The following ANO6 variants were observed in gnomAD, a reference collection of about 807,000 sequenced individuals.
The protein encoded by ANO6 is anoctamin-6.
A neutral mutation model predicts 117.5 loss-of-function variants in ANO6; 106 were observed. The ratio of observed to expected loss-of-function variants is 0.90; its 90% CI spans 0.77 to 1.06. ANO6 has a LOEUF of 1.06. Ranked by LOEUF, ANO6 falls within the 50% of genes least tolerant of loss-of-function variation. The pLI, the probability that ANO6 is intolerant of heterozygous loss-of-function variation, is 0.00. For synonymous variants in ANO6, 367 were observed against 385.1 expected (o/e 0.95, Z 0.55); for missense variants, 955 against 1,121.1 (o/e 0.85, Z 2.12).
chr12:45,264,591 G>T (rs1310124494), intron 1 of ANO6, among the ~76,000 whole-genome samples: 1 of 152,178 alleles, frequency 6.6e-6, no homozygotes, highest in Non-Finnish European at 1.5e-5. Context: ...GATTAATATT[G>T]AGAGTAGGAA....
At chr12:45,379,030 T>G (rs768145971) in intron 10 of ANO6, among the ~76,000 whole-genome samples, 19 of 152,340 alleles carry the variant, frequency 1.2e-4, no homozygotes, top group Non-Finnish European at 2.5e-4. Flanking sequence ...CTTTAAATGT[T>G]TAATTGATCT....
intron 1 of ANO6, among the ~76,000 whole-genome samples, chr12:45,262,886 G>A (rs1054777088): frequency 5.3e-5 from 8 of 152,200 alleles, no homozygotes; most frequent in African/African-American, 1.9e-4. Flanking sequence ...TATACTTTGT[G>A]GCGAAAGTAG....
intron 1 of ANO6, among the ~76,000 whole-genome samples, chr12:45,225,380 G>A (rs112890373): frequency 2.6e-5 from 4 of 152,016 alleles, no homozygotes; most frequent in Non-Finnish European, 5.9e-5. Context: ...AAAAACACTC[G>A]TCTTGAAGCG....
At chr12:45,300,166 A>G (rs753069750) in intron 1 of ANO6, among the ~76,000 whole-genome samples, 3 of 152,100 alleles carry the variant, frequency 2.0e-5, no homozygotes, top group Admixed American at 2.0e-4. Flanking sequence ...ATCACACACA[A>G]TAAAATTAAA....
At chr12:45,421,643 G>T (rs1943368778) in intron 18 of ANO6, among the ~76,000 whole-genome samples, 1 of 152,124 alleles carries the variant, frequency 6.6e-6, no homozygotes, top group South Asian at 2.1e-4. Flanking sequence ...ACTTCAAGAG[G>T]TCCAAGAACC....
intron 1 of ANO6, among the ~76,000 whole-genome samples, chr12:45,289,170 C>CT (rs11410863): frequency 0.83 from 113,069 of 135,614 alleles, 48,799 homozygotes; most frequent in Non-Finnish European, 0.94. Flanking sequence ...ATTATTATTA[C>CT]TTTTTTTTTT....
At chr12:45,349,823 G>A (rs760802950) in intron 6 of ANO6, among the ~76,000 whole-genome samples, 1 of 152,172 alleles carries the variant, frequency 6.6e-6, no homozygotes, top group Non-Finnish European at 1.5e-5. Context: ...TTAGCTAATT[G>A]CGAATAACAG....
At chr12:45,439,617 T>C in intron 19 of ANO6, 1 of 1,325,304 alleles carries the variant, frequency 7.5e-7, no homozygotes, top group Non-Finnish European at 9.7e-7. Flanking sequence ...AGACAATAAT[T>C]ACCAGAGTAT....
At chr12:45,236,448 T>G (rs542964048) in intron 1 of ANO6, among the ~76,000 whole-genome samples, 2 of 152,332 alleles carry the variant, frequency 1.3e-5, no homozygotes, top group Non-Finnish European at 2.9e-5. Flanking sequence ...GTTCTCATTG[T>G]TCAATTCCCA....
At chr12:45,421,479 T>C (rs1943364125) in intron 18 of ANO6, among the ~76,000 whole-genome samples, 1 of 152,186 alleles carries the variant, frequency 6.6e-6, no homozygotes, top group Non-Finnish European at 1.5e-5. Context: ...AAAATGTATA[T>C]ATATGTATAT....
At chr12:45,389,121 C>A (rs1191274339) in intron 11 of ANO6, among the ~76,000 whole-genome samples, 17 of 152,118 alleles carry the variant, frequency 1.1e-4, no homozygotes, top group Admixed American at 1.1e-3. Flanking sequence ...AAAGTGTTCC[C>A]AACTATAGGT....
chr12:45,381,647 CA>C (rs954523030), intron 10 of ANO6, among the ~76,000 whole-genome samples: 1 of 152,148 alleles, frequency 6.6e-6, no homozygotes, highest in African/African-American at 2.4e-5. Context: ...CTGCAATTCC[CA>C]GGGGTTTTCC....
chr12:45,248,635 T>C (rs1019669159), intron 1 of ANO6, among the ~76,000 whole-genome samples: 112 of 152,214 alleles, frequency 7.4e-4, no homozygotes, highest in African/African-American at 2.6e-3. Context: ...GGTTTCACCA[T>C]GCTGGTCAGG....
intron 19 of ANO6, among the ~76,000 whole-genome samples, chr12:45,423,790 G>T (rs1438360226): frequency 6.6e-6 from 1 of 152,130 alleles, no homozygotes; most frequent in African/African-American, 2.4e-5. Context: ...TACATGCAAA[G>T]CAGGAAGAAG....
chr12:45,255,266 G>A (rs1379739549), intron 1 of ANO6, among the ~76,000 whole-genome samples: 9 of 152,104 alleles, frequency 5.9e-5, no homozygotes, highest in Non-Finnish European at 1.3e-4. Context: ...TGCTCCCTCT[G>A]CCTTGGAATT....
intron 10 of ANO6, chr12:45,383,135 A>T: frequency 4.5e-6 from 1 of 220,372 alleles, no homozygotes; most frequent in Non-Finnish European, 9.1e-6. Flanking sequence ...TTGTCGTTTC[A>T]GTAATGACAG....
rs975852834 is a variant in ANO6 at position 45,419,563 on chromosome 12, A to G, written c.2218-1508A>G. Among the ~76,000 whole-genome samples the G allele has an allele frequency of 3.9e-5, 6 of 152,210 alleles. No individual in the cohort carries two copies. The South Asian group carries it at 1.0e-3, about 26-fold the overall frequency. On this transcript the variant is annotated intron_variant, in intron 17 of 19. Transcript: ENST00000320560. ...AAATTTTGTAATAGAAAAGCCCCCT[A>G]ATTGTTTTTTCTTGCTTTGCCTGAG...
At chr12:45,409,624 A>G (rs1943034614) in intron 16 of ANO6, 137 bp downstream of exon 16, 1 of 1,037,734 alleles carries the variant, frequency 9.6e-7, no homozygotes, top group African/African-American at 1.6e-5. Flanking sequence ...CACTAGATAA[A>G]ATTATACAAT....
At chr12:45,342,447 C>T (rs1941005373) in intron 3 of ANO6, among the ~76,000 whole-genome samples, 1 of 152,142 alleles carries the variant, frequency 6.6e-6, no homozygotes, top group East Asian at 1.9e-4. Context: ...AATTCTGAAG[C>T]GTCCAGGAAT....
Sources: gnomAD v4.1 joint callset for allele counts (sites outside exome capture counted in the v4.1 genomes callset) on GRCh38, gnomAD v4.1.1 for gene constraint, MANE v1.5 for transcripts, NCBI Gene and HGNC (gene_info 2026-07-23, HGNC 2026-07-21) for gene names.